KIFC3: variants seen among roughly 807,000 people sequenced by gnomAD.
KIFC3 encodes kinesin family member C3, also known as kinesin-like protein KIFC3.
KIFC3 carries 60 observed loss-of-function variants against 101.8 expected under a neutral mutation model. That is an observed-to-expected ratio of 0.59 (90% CI 0.48 to 0.73). KIFC3 has a LOEUF of 0.73. Among genes scored for constraint, KIFC3 ranks in the 30% least tolerant of loss-of-function variants. The pLI is 0.00. For missense variants in KIFC3, 966 were observed against 1,137.1 expected, an observed-to-expected ratio of 0.85 and a Z score of 2.16; for synonymous variants, 476 against 482.7, an observed-to-expected ratio of 0.99 and a Z score of 0.18.
intron 3 of KIFC3, chr16:57,788,481 G>A: frequency 8.8e-7 from 1 of 1,130,134 alleles, no homozygotes; most frequent in Non-Finnish European, 1.1e-6. Flanking sequence ...AGCCGGGGAG[G>A]ACAGGGCATG....
intron 3 of KIFC3, chr16:57,774,087 C>T (rs1288889730): frequency 6.6e-6 from 1 of 152,268 alleles, no homozygotes; most frequent in Non-Finnish European, 1.5e-5. Context: ...GAGGTCAGCT[C>T]TGCCGCCACC....
intron 13 of KIFC3, 144 bp downstream of exon 13, chr16:57,761,996 C>CA (rs1203159898): frequency 2.9e-6 from 3 of 1,051,558 alleles, no homozygotes; most frequent in African/African-American, 3.2e-5. Context: ...ATTGCTCCAG[C>CA]ACCACCCCTG....
At chr16:57,860,676 G>A (rs2056284613) in intron 1 of KIFC3, among the ~76,000 whole-genome samples, 2 of 152,002 alleles carry the variant, frequency 1.3e-5, no homozygotes, top group South Asian at 4.2e-4. Context: ...GGCTTCCTCA[G>A]AAAGCAAGAG....
chr16:57,822,981 C>T (rs1318533207), intron 1 of KIFC3, among the ~76,000 whole-genome samples: 4 of 152,044 alleles, frequency 2.6e-5, no homozygotes, highest in Non-Finnish European at 2.9e-5. Context: ...TCTGAATAAA[C>T]CCCTCCTCTT....
intron 1 of KIFC3, 59 bp from the exon 2 acceptor site, chr16:57,798,341 C>A: frequency 6.9e-7 from 1 of 1,455,540 alleles, no homozygotes; most frequent in South Asian, 1.2e-5. Context: ...AACTGCACCT[C>A]GGGCAGAGCC....
intron 1 of KIFC3, among the ~76,000 whole-genome samples, chr16:57,862,080 G>A (rs1414351396): frequency 6.6e-6 from 1 of 152,062 alleles, no homozygotes; most frequent in East Asian, 1.9e-4. Flanking sequence ...GCGAATTCTG[G>A]CAGCTGGGCT....
intron 1 of KIFC3, among the ~76,000 whole-genome samples, chr16:57,813,288 A>G (rs543071242): frequency 6.6e-6 from 1 of 152,090 alleles, no homozygotes; most frequent in Non-Finnish European, 1.5e-5. Flanking sequence ...AGATTGCGCC[A>G]CTGCACTCCA....
Position 57,760,714 on chromosome 16 carries a change from CA to C in KIFC3, c.2232+11del, listed in dbSNP as rs782604166. The C allele has an allele frequency of 6.2e-7, 1 of 1,611,340 alleles. No homozygotes were observed. On this transcript the variant is annotated intron_variant, in intron 16 of 19. Transcript: ENST00000445690. Reference sequence around the variant, plus strand: ...TGCTAGGGACTGGCCCGCCCTAACCCAAGGTCCTCACCTGTACCACCATGAG... The same window carrying C: ...TGCTAGGGACTGGCCCGCCCTAACCCAGGTCCTCACCTGTACCACCATGAG...
At chr16:57,852,137 TA>T (rs2149329199) in intron 1 of KIFC3, among the ~76,000 whole-genome samples, 1 of 152,306 alleles carries the variant, frequency 6.6e-6, no homozygotes, top group Non-Finnish European at 1.5e-5. Context: ...GTCTCACTTT[TA>T]TGTTAGAGAC....
intron 12 of KIFC3, among the ~76,000 whole-genome samples, chr16:57,762,551 T>A (rs547291507): frequency 6.6e-6 from 1 of 152,218 alleles, no homozygotes; most frequent in Admixed American, 6.5e-5. Flanking sequence ...ACAGGGCAGC[T>A]GAGGGCCAGA....
At chr16:57,759,901 TTC>T (rs2049624073) in intron 17 of KIFC3, 65 bp from the exon 18 acceptor site, 1 of 1,239,928 alleles carries the variant, frequency 8.1e-7, no homozygotes, top group African/African-American at 1.5e-5. Flanking sequence ...CCTGCTGTGC[TTC>T]TCTCTACTCC....
intron 3 of KIFC3, among the ~76,000 whole-genome samples, chr16:57,784,750 G>C (rs1237791620): frequency 1.3e-5 from 2 of 152,178 alleles, no homozygotes; most frequent in African/African-American, 4.8e-5. Flanking sequence ...GACAGACACT[G>C]AGGATGAGAG....
At chr16:57,852,836 C>A (rs12443893) in intron 1 of KIFC3, among the ~76,000 whole-genome samples, 1 of 152,084 alleles carries the variant, frequency 6.6e-6, no homozygotes, top group East Asian at 1.9e-4. Context: ...TTAAAGGGAT[C>A]GAATAGCAAT....
chr16:57,798,598 A>G (rs1031936998), intron 1 of KIFC3: 1 of 461,134 alleles, frequency 2.2e-6, no homozygotes, highest in African/African-American at 2.1e-5. Context: ...TCCTAGCCCC[A>G]CACAGAGGAG....
At chr16:57,811,433 A>T (rs28549971) in intron 1 of KIFC3, among the ~76,000 whole-genome samples, 8,321 of 152,260 alleles carry the variant, frequency 0.055, 764 homozygotes, top group African/African-American at 0.19. Context: ...AGACCTACAC[A>T]GAGGTCAGGC....
At position 57,788,771 on chromosome 16, in the gene KIFC3, C is replaced by T. The variant is rs560164351; in HGVS notation, c.315+6228G>A. Reference sequence around the variant, plus strand: ...GGAGACTGTGCCAGGGAAGGACCCTCGAGCCAGAGGATGGTGTGCTCCCGG... The same window carrying T: ...GGAGACTGTGCCAGGGAAGGACCCTTGAGCCAGAGGATGGTGTGCTCCCGG... On this transcript the variant is annotated intron_variant, in intron 3 of 19. Transcript: ENST00000445690. The T allele has an allele frequency of 3.9e-6, 5 of 1,277,544 alleles. No individual in the cohort carries two copies. The African/African-American group carries it at 4.6e-5, about 12-fold the overall frequency. The allele number at this position is 1,277,544 out of a possible 1,614,324, so 79.1% of individuals were successfully genotyped here.
chr16:57,781,860 G>C, intron 3 of KIFC3: 1 of 894,092 alleles, frequency 1.1e-6, no homozygotes, highest in Non-Finnish European at 1.3e-6. Context: ...TGACCAGTAA[G>C]TGGTGGACCT....
chr16:57,803,396 G>T, upstream of KIFC3: 3 of 541,748 alleles, frequency 5.5e-6, no homozygotes, highest in Non-Finnish European at 1.1e-5. Flanking sequence ...ACCCCCGGGT[G>T]CGGAAGAGGA....
intron 13 of KIFC3, among the ~76,000 whole-genome samples, 199 bp downstream of exon 13, chr16:57,761,941 C>CAGA (rs1469768443): frequency 6.6e-6 from 1 of 152,032 alleles, no homozygotes; most frequent in Non-Finnish European, 1.5e-5. Context: ...ACGGCCTCAT[C>CAGA]TGGTCCCTAC....
Sources: gnomAD v4.1 joint callset for allele counts (sites outside exome capture counted in the v4.1 genomes callset) on GRCh38, gnomAD v4.1.1 for gene constraint, MANE v1.5 for transcripts, NCBI Gene and HGNC (gene_info 2026-07-23, HGNC 2026-07-21) for gene names.